The following ABCC4 variants were observed in gnomAD, a reference collection of about 807,000 sequenced individuals.
ABCC4 encodes ATP-binding cassette sub-family C member 4.
In ABCC4, 102 loss-of-function variants were observed where a neutral mutation model predicts 168.5. That is an observed-to-expected ratio of 0.61 (90% confidence interval 0.52 to 0.71). The LOEUF is 0.71. Ranked by LOEUF, ABCC4 falls within the 30% of genes least tolerant of loss-of-function variation. The pLI is 0.00. For missense variants in ABCC4, 1,402 were observed against 1,605.8 expected (o/e 0.87, Z 2.17); for synonymous variants, 617 against 590.7 (o/e 1.04, Z -0.65).
chr13:95,050,971 T>C (rs2032806039), intron 27 of ABCC4, among the ~76,000 whole-genome samples: 1 of 152,200 alleles, frequency 6.6e-6, no homozygotes, highest in Admixed American at 6.5e-5. Context: ...TCTTTTAGGG[T>C]GTGTCACAAT....
At position 95,170,647 on chromosome 13, in the gene ABCC4, C is replaced by T. The variant is rs1215629928; in HGVS notation, c.1728-19G>A. ...AATACACCTATAAATGTAAAAGGCA[C>T]AGGGTGAAAAAATGCATGAATGGGG... On this transcript the variant is annotated intron_variant, in intron 13 of 30. Coordinates refer to ENST00000645237, the MANE Select transcript of ABCC4 (RefSeq NM_005845.5). 1.3e-6 allele frequency: 2 copies of T among 1,534,628 alleles called. No homozygotes were observed. The highest frequency in any genetic ancestry group is 2.3e-5 in the South Asian group (2 of 86,594).
Position 95,161,303 on chromosome 13 carries a change from C to G in ABCC4, c.2341G>C (p.Ala781Pro), listed in dbSNP as rs1203700719. The G allele has an allele frequency of 1.8e-5, 28 of 1,596,200 alleles. No homozygotes were observed. Among genetic ancestry groups the G allele is most frequent in the Non-Finnish European group, 2.3e-5 (27 of 1,175,148 alleles). Residue 781 changes from alanine to proline, a missense_variant, in exon 19 of 31, where the codon GCA becomes CCA. Physicochemically the swap from Ala to Pro is conservative, Grantham distance 27. Transcript: ENST00000645237. Reference sequence around the variant, plus strand: ...ACGTAGAATACCAATAGAGATCTTGCTATGCCAAAAAGAACGGTAGCTACA... The same window carrying G: ...ACGTAGAATACCAATAGAGATCTTGGTATGCCAAAAAGAACGGTAGCTACA... The part of the protein sequence containing the change: ...LTVATVLFGI[A>P]RSLLVFYVLV...
chr13:95,079,586 G>A (rs1295274977), intron 21 of ABCC4, among the ~76,000 whole-genome samples: 1 of 152,192 alleles, frequency 6.6e-6, no homozygotes, highest in Non-Finnish European at 1.5e-5. Flanking sequence ...TGTAATCCCA[G>A]CACTTTGGGA....
intron 8 of ABCC4, among the ~76,000 whole-genome samples, chr13:95,202,566 A>G (rs2038657836): frequency 6.6e-6 from 1 of 151,486 alleles, no homozygotes; most frequent in Admixed American, 6.6e-5. Context: ...CTCTTTGCCC[A>G]ATTATTTTTT....
rs2139332623 is a variant in ABCC4 at position 95,082,994 on chromosome 13, A to T, written c.2686+146T>A. 4.4e-6 allele frequency: 4 copies of T among 901,602 alleles called. No homozygotes were observed. The East Asian group carries it at 1.0e-4, about 23-fold the overall frequency. 55.9% of individuals were successfully genotyped at this position (901,602 alleles called of 1,614,324 possible). A position where few individuals can be genotyped will look rare whatever the true frequency, so the allele number is the denominator to read the frequency against. On this transcript the variant is annotated intron_variant, in intron 21 of 30. Coordinates refer to ENST00000645237, the MANE Select transcript of ABCC4 (RefSeq NM_005845.5). ...TCCACATGCTCTAAGGGACACAATGATTCATAATGGCCAATACGTTCAATT... is the reference window on the plus strand; with the variant it reads ...TCCACATGCTCTAAGGGACACAATGTTTCATAATGGCCAATACGTTCAATT...
intron 20 of ABCC4, among the ~76,000 whole-genome samples, chr13:95,112,417 T>C (rs1045726947): frequency 1.3e-5 from 2 of 152,174 alleles, no homozygotes; most frequent in Non-Finnish European, 2.9e-5. Flanking sequence ...AGCTATTTGA[T>C]TTTAAATCTC....
Position 95,027,166 on chromosome 13 carries a change from G to A in ABCC4, c.3871-5484C>T, listed in dbSNP as rs558164250. ...ACAGCCACCACATTTAAATCAGAGG[G>A]GTAACAAAGATTTCAGACATGCAAT... On this transcript the variant is annotated intron_variant, in intron 30 of 30. Coordinates refer to ENST00000645237, the MANE Select transcript of ABCC4 (RefSeq NM_005845.5). Among the ~76,000 whole-genome samples the A allele has an allele frequency of 4.6e-5, 7 of 152,146 alleles. No homozygotes were observed. The East Asian group carries it at 1.4e-3, about 29-fold the overall frequency.
intron 3 of ABCC4, among the ~76,000 whole-genome samples, chr13:95,236,597 T>TGC (rs1284926611): frequency 6.5e-5 from 6 of 92,328 alleles, no homozygotes; most frequent in African/African-American, 1.2e-4. Context: ...AACGCGCGCG[T>TGC]GCGCGCACAC....
intron 30 of ABCC4, among the ~76,000 whole-genome samples, chr13:95,024,484 G>A (rs911258624): frequency 2.0e-4 from 31 of 152,262 alleles, no homozygotes; most frequent in Admixed American, 5.9e-4. Flanking sequence ...TAAAGCCACC[G>A]TAACAGAGCT....
intron 19 of ABCC4, among the ~76,000 whole-genome samples, chr13:95,134,773 G>A (rs1355851093): frequency 6.6e-6 from 1 of 152,008 alleles, no homozygotes; most frequent in African/African-American, 2.4e-5. Flanking sequence ...AGAAGGAAAT[G>A]ATGCTCAGGG....
At chr13:95,062,032 A>G (rs2033318860) in intron 26 of ABCC4, among the ~76,000 whole-genome samples, 1 of 152,166 alleles carries the variant, frequency 6.6e-6, no homozygotes, top group Admixed American at 6.6e-5. Context: ...AGGATGGCCA[A>G]TTTAACCCTC....
rs982470179 is a variant in ABCC4 at position 95,075,675 on chromosome 13, T to C, written c.2687-124A>G. The stretch of plus-strand genomic sequence containing the variant: ...GCAGGCCTCCTAGGAGGCTTCATGT[T>C]TCAAGGAAAAATAAATGTTCCCAAT... On this transcript the variant is annotated intron_variant, in intron 21 of 30. Coordinates refer to ENST00000645237, the MANE Select transcript of ABCC4 (RefSeq NM_005845.5). 3 of 1,304,680 alleles carry C rather than the reference T, an allele frequency of 2.3e-6. No individual in the cohort carries two copies. The African/African-American group carries it at 4.5e-5, about 19-fold the overall frequency. The allele number at this position is 1,304,680 out of a possible 1,614,324, so 80.8% of individuals were successfully genotyped here.
intron 4 of ABCC4, among the ~76,000 whole-genome samples, chr13:95,211,524 G>A (rs143408144): frequency 6.6e-6 from 1 of 152,256 alleles, no homozygotes; most frequent in East Asian, 1.9e-4. Flanking sequence ...AGGAGGATGT[G>A]GAGGCTGCTG....
intron 1 of ABCC4, among the ~76,000 whole-genome samples, chr13:95,262,206 C>T (rs186294922): frequency 6.0e-4 from 92 of 152,278 alleles, no homozygotes; most frequent in African/African-American, 2.2e-3. Flanking sequence ...AGATGGCCCA[C>T]GTGGCTGGGG....
intron 1 of ABCC4, among the ~76,000 whole-genome samples, chr13:95,251,938 G>C (rs2040274805): frequency 6.6e-6 from 1 of 152,198 alleles, no homozygotes; most frequent in African/African-American, 2.4e-5. Context: ...ATTCTGAGTA[G>C]CATGATGAAA....
At chr13:95,048,914 T>TA (rs1460195630) in intron 27 of ABCC4, among the ~76,000 whole-genome samples, 1 of 152,246 alleles carries the variant, frequency 6.6e-6, no homozygotes, top group Non-Finnish European at 1.5e-5. Context: ...AATCATTACT[T>TA]ACGTTATATT....
intron 23 of ABCC4, 49 bp downstream of exon 23, chr13:95,074,164 AG>A: frequency 7.2e-7 from 1 of 1,394,806 alleles, no homozygotes; most frequent in Non-Finnish European, 1.0e-6. Flanking sequence ...ATGTAAACAC[AG>A]CTATAAATTG....
intron 8 of ABCC4, among the ~76,000 whole-genome samples, chr13:95,205,984 G>C: frequency 6.6e-6 from 1 of 152,194 alleles, no homozygotes; most frequent in East Asian, 1.9e-4. Flanking sequence ...TAAGAAAAAA[G>C]TGAAAAGCGG....
In ABCC4 at chr13:95,206,524, A is replaced by T. The variant is rs11568702; in HGVS notation, c.1161+8T>A. 25,223 of 1,611,314 alleles carry T rather than the reference A, an allele frequency of 0.016. 263 individuals are homozygous for T. The highest frequency in any genetic ancestry group is 0.019 in the Non-Finnish European group (21,798 of 1,177,578). On this transcript the variant is annotated splice_region_variant and intron_variant, in intron 8 of 30. Transcript: ENST00000645237. ...ACCTACAACTTTAAAATGGCATCTG[A>T]CACCAACCTGGATTCTTCGGATGCT... is the stretch of plus-strand genomic sequence containing the variant.
Sources: gnomAD v4.1 joint callset for allele counts (sites outside exome capture counted in the v4.1 genomes callset) on GRCh38, gnomAD v4.1.1 for gene constraint, MANE v1.5 for transcripts, NCBI Gene and HGNC (gene_info 2026-07-23, HGNC 2026-07-21) for gene names.